The following FKBP9 variants were observed in gnomAD, a reference collection of about 807,000 sequenced individuals.
FKBP9 encodes FKBP prolyl isomerase 9, also known as peptidyl-prolyl cis-trans isomerase FKBP9.
Under a neutral mutation model 55.6 loss-of-function variants are expected in FKBP9, and 27 were observed. The ratio of observed to expected loss-of-function variants is 0.49; its 90% CI spans 0.36 to 0.67. The LOEUF is 0.67. Among genes scored for constraint, FKBP9 ranks in the 30% least tolerant of loss-of-function variants. FKBP9 has a pLI of 0.00. For synonymous variants in FKBP9, 267 were observed against 296.5 expected (o/e 0.90, Z 1.02); for missense variants, 539 against 742.8 (o/e 0.73, Z 3.19).
chr7:32,957,903 G>A (rs899898160), intron 1 of FKBP9, 109 bp downstream of exon 1: 175 of 850,422 alleles, frequency 2.1e-4, no homozygotes, highest in Non-Finnish European at 2.6e-4. Flanking sequence ...GTGCAGCCGC[G>A]CTCCTCCCTT....
chr7:32,986,769 C>T (rs1784588187), intron 5 of FKBP9, among the ~76,000 whole-genome samples: 1 of 152,174 alleles, frequency 6.6e-6, no homozygotes, highest in South Asian at 2.1e-4. Context: ...GCTCGGCAGT[C>T]CTTCTTCTCC....
At chr7:32,969,894 T>G (rs4605965) in intron 1 of FKBP9, among the ~76,000 whole-genome samples, 153 of 151,954 alleles carry the variant, frequency 1.0e-3, no homozygotes, top group African/African-American at 3.5e-3. Context: ...TCCCAGCTAC[T>G]CAGGAGGCCG....
In FKBP9 at chr7:32,965,806, AAAAAAAATATATATAT is replaced by A. The variant is rs1784121630; in HGVS notation, c.221+8014_221+8029del. ...GAGCGAGACTCCATGTCAAAAAAAA[AAAAAAAATATATATAT>A]ATATATATATATATATATATATGTG... On this transcript the variant is annotated intron_variant, in intron 1 of 9. Transcript: ENST00000242209. Among the ~76,000 whole-genome samples, 27 of 26,904 alleles carry A rather than the reference AAAAAAAATATATATAT, an allele frequency of 1.0e-3. 1 individual carries two copies. Among genetic ancestry groups the A allele is most frequent in the African/African-American group, 3.5e-3 (25 of 7,070 alleles). 17.7% of individuals were successfully genotyped at this position (26,904 alleles called of 152,430 possible).
intron 1 of FKBP9, among the ~76,000 whole-genome samples, chr7:32,965,826 T>TATATATATGTGTGTACAC (rs1554284319): frequency 9.0e-5 from 3 of 33,320 alleles, no homozygotes; most frequent in Admixed American, 9.6e-4. Flanking sequence ...TATATATATA[T>TATATATATGTGTGTACAC]ATATATATAT....
At chr7:32,965,879 A>G (rs1784136911) in intron 1 of FKBP9, among the ~76,000 whole-genome samples, 1 of 101,646 alleles carries the variant, frequency 9.8e-6, no homozygotes, top group African/African-American at 4.5e-5. Context: ...ATACATATAT[A>G]TATATAGAGA....
intron 1 of FKBP9, among the ~76,000 whole-genome samples, chr7:32,973,706 T>TG (rs1784299336): frequency 6.6e-5 from 8 of 121,082 alleles, no homozygotes; most frequent in African/African-American, 1.3e-4. Flanking sequence ...TTTTTTTTTT[T>TG]TTGACACAGA....
At chr7:32,974,405 T>C (rs1315466314) in intron 1 of FKBP9, among the ~76,000 whole-genome samples, 1 of 151,512 alleles carries the variant, frequency 6.6e-6, no homozygotes, top group Non-Finnish European at 1.5e-5. Flanking sequence ...CTTATTGAAC[T>C]AGATTTGCTG....
chr7:32,993,022 G>A (rs1007841014), intron 6 of FKBP9: 14 of 231,936 alleles, frequency 6.0e-5, no homozygotes, highest in Middle Eastern at 2.6e-3. Context: ...TGGAATCCTC[G>A]GGGCCTGAGA....
intron 4 of FKBP9, among the ~76,000 whole-genome samples, chr7:32,976,966 A>G (rs1417233745): frequency 6.6e-6 from 1 of 152,246 alleles, no homozygotes; most frequent in African/African-American, 2.4e-5. Flanking sequence ...ATTAGACACT[A>G]TAAAAGTTGC....
chr7:33,002,509 G>T (rs1264605405), intron 8 of FKBP9, among the ~76,000 whole-genome samples, 167 bp from the exon 9 acceptor site: 1 of 152,124 alleles, frequency 6.6e-6, no homozygotes, highest in African/African-American at 2.4e-5. Flanking sequence ...AGTCATTAAC[G>T]GGCCACTGCC....
intron 6 of FKBP9, chr7:32,993,218 T>C (rs1370720189): frequency 8.6e-6 from 2 of 232,420 alleles, no homozygotes; most frequent in East Asian, 1.2e-4. Context: ...TGGTAAAATA[T>C]ACTTAACATC....
At chr7:32,995,517 T>C in intron 6 of FKBP9, among the ~76,000 whole-genome samples, 1 of 152,162 alleles carries the variant, frequency 6.6e-6, no homozygotes. Context: ...TGAAAAATAC[T>C]TTGGCAAACT....
At chr7:32,967,563 C>T (rs1425392225) in intron 1 of FKBP9, among the ~76,000 whole-genome samples, 1 of 152,172 alleles carries the variant, frequency 6.6e-6, no homozygotes, top group Non-Finnish European at 1.5e-5. Context: ...ATAGGATTTC[C>T]TTCCTTTTTA....
In FKBP9 at chr7:32,957,611, TG is replaced by T; in HGVS notation, c.39del (p.Leu14SerfsTer7). On this transcript the variant is annotated frameshift_variant, in exon 1 of 10. Transcript: ENST00000242209. LOFTEE classifies it high-confidence loss of function. ...FRGWRPPPPP[L>X]LLLLLWVTGQ... is the part of the protein sequence containing the mutation. ...GGCTGGAGGCCCCCGCCGCCACCGC[TG>T]CTCCTGCTGCTGCTCTGGGTGACCG... 6.7e-7 allele frequency: 1 copy of T among 1,482,372 alleles called. No homozygotes were observed. The highest frequency in any genetic ancestry group is 1.3e-5 in the South Asian group (1 of 78,370). The allele number at this position is 1,482,372 out of a possible 1,614,324, so 91.8% of individuals were successfully genotyped here.
At chr7:32,977,060 G>A (rs1784376118) in intron 4 of FKBP9, among the ~76,000 whole-genome samples, 1 of 152,150 alleles carries the variant, frequency 6.6e-6, no homozygotes, top group African/African-American at 2.4e-5. Flanking sequence ...TTTTACCTAT[G>A]GCATTAACTC....
In FKBP9 at chr7:33,005,274, G is replaced by C. The variant is rs367844596; in HGVS notation, c.1636G>C (p.Asp546His). 7.4e-6 allele frequency: 12 copies of C among 1,614,090 alleles called. No homozygotes were observed. Among genetic ancestry groups the C allele is most frequent in the African/African-American group, 1.3e-5 (1 of 74,930 alleles). ...TGTGAAGAATATGTTCACCAACCAG[G>C]ACCGGAATGGAGATGGGAAGGTCAC... Reference protein sequence around the residue: ...LIVKNMFTNQDRNGDGKVTAE... With the variant: ...LIVKNMFTNQHRNGDGKVTAE... Residue 546 changes from aspartate to histidine, a missense_variant, in exon 10 of 10, where the codon GAC becomes CAC. Asp to His is a moderately conservative substitution (Grantham distance 81, BLOSUM62 -1). Coordinates refer to ENST00000242209, the MANE Select transcript of FKBP9 (RefSeq NM_007270.5).
At chr7:32,958,344 T>C (rs1252817290) in intron 1 of FKBP9, among the ~76,000 whole-genome samples, 1 of 152,174 alleles carries the variant, frequency 6.6e-6, no homozygotes, top group South Asian at 2.1e-4. Context: ...TGTACAGCAG[T>C]CTTGTGAGGT....
chr7:32,965,544 T>C (rs868691555), intron 1 of FKBP9, among the ~76,000 whole-genome samples: 3 of 151,870 alleles, frequency 2.0e-5, no homozygotes, highest in Admixed American at 6.6e-5. Flanking sequence ...CTCATGCCTG[T>C]GATCCTGGCA....
chr7:32,995,951 T>C (rs1309492469), intron 6 of FKBP9, among the ~76,000 whole-genome samples: 2 of 152,200 alleles, frequency 1.3e-5, no homozygotes, highest in Non-Finnish European at 2.9e-5. Context: ...CCACGGCAAA[T>C]CTGTGCCTCC....
Sources: gnomAD v4.1 joint callset for allele counts (sites outside exome capture counted in the v4.1 genomes callset) on GRCh38, gnomAD v4.1.1 for gene constraint, MANE v1.5 for transcripts, NCBI Gene and HGNC (gene_info 2026-07-23, HGNC 2026-07-21) for gene names.